DDX17: variants seen among roughly 807,000 people sequenced by gnomAD.
DDX17 encodes probable ATP-dependent RNA helicase DDX17.
DDX17 carries 10 observed loss-of-function variants against 80.8 expected under a neutral mutation model. That is an observed-to-expected ratio of 0.12 (90% CI 0.08 to 0.21). The LOEUF (loss-of-function observed/expected upper bound fraction) is 0.21, where lower values mean the gene tolerates loss of function less well. Ranked by LOEUF, DDX17 falls within the 10% of genes least tolerant of loss-of-function variation. DDX17 has a pLI of 1.00. For missense variants in DDX17, 586 were observed against 957.4 expected, an observed-to-expected ratio of 0.61 and a Z score of 5.12; for synonymous variants, 339 against 336.2, an observed-to-expected ratio of 1.01 and a Z score of -0.09.
At chr22:38,486,564 C>G in intron 12 of DDX17, 124 bp from the exon 13 acceptor site, 1 of 1,351,170 alleles carries the variant, frequency 7.4e-7, no homozygotes, top group Non-Finnish European at 9.8e-7. Context: ...TGCTGGCCAG[C>G]CTCCCAATTA....
rs1569142916 is a variant in DDX17 at position 38,501,117 on chromosome 22, CAT to C, written c.438+11_438+12del. ...TCAATAATCTGTACATTAAAACACACATGTAAACTTACTGGTGTCAGCCTTGC... is the reference window on the plus strand; with the variant it reads ...TCAATAATCTGTACATTAAAACACACGTAAACTTACTGGTGTCAGCCTTGC... On this transcript the variant is annotated intron_variant, in intron 2 of 12. Coordinates refer to ENST00000403230, the MANE Select transcript of DDX17 (RefSeq NM_006386.5). 6.2e-7 allele frequency: 1 copy of C among 1,613,158 alleles called. No homozygotes were observed. The highest frequency in any genetic ancestry group is 1.3e-5 in the African/African-American group (1 of 74,956).
In DDX17 at chr22:38,486,099, T is replaced by C; in HGVS notation, c.2026A>G (p.Ser676Gly). 6.2e-7 allele frequency: 1 copy of C among 1,614,188 alleles called. No individual in the cohort carries two copies. The highest frequency in any genetic ancestry group is 2.2e-5 in the East Asian group (1 of 44,878). ...CGGCCTATCCCACTAAACTGCTGGC[T>C]AGAGCTCTGTGAACTTCTCCCAGTT... Residue 676 changes from serine (S) to glycine (G), a missense_variant, in exon 13 of 13, where the codon AGC (serine) becomes GGC (glycine). Physicochemically the swap from Ser to Gly is moderately conservative, Grantham distance 56. This residue lies in a region of DDX17 where 221 missense variants were observed against 261.4 expected (regional missense o/e 0.85). Transcript: ENST00000403230.
chr22:38,499,372 T>C, intron 3 of DDX17, 28 bp downstream of exon 3: 1 of 1,573,594 alleles, frequency 6.4e-7, no homozygotes, highest in Non-Finnish European at 8.7e-7. Context: ...ATTTAACAAA[T>C]TAAGGTTCTA....
At chr22:38,498,221 T>G (rs2089790051) in intron 4 of DDX17, 71 bp from the exon 5 acceptor site, 1 of 1,531,206 alleles carries the variant, frequency 6.5e-7, no homozygotes, top group Non-Finnish European at 9.0e-7. Context: ...TAGTAATTAC[T>G]GAATTAATGC....
chr22:38,489,749 G>A lies in DDX17; in HGVS notation c.1448-1634C>T, dbSNP rs2089694649. 1.0e-6 allele frequency: 1 copy of A among 985,302 alleles called. No individual in the cohort carries two copies. Among genetic ancestry groups the A allele is most frequent in the Non-Finnish European group, 1.2e-6 (1 of 830,020 alleles). The allele number at this position is 985,302 out of a possible 1,614,324, so 61.0% of individuals were successfully genotyped here. A position where few individuals can be genotyped will look rare whatever the true frequency, so the allele number is the denominator to read the frequency against. On this transcript the variant is annotated intron_variant, in intron 11 of 12. Transcript: ENST00000403230. The surrounding 1 kb of genome is among the most constrained non-coding windows in gnomAD (Gnocchi z 4.6). ...GTCCTGAATCACACCAGAAAGACGA[G>A]AAGGCACTTATCACAGGGGGCAGCT...
chr22:38,500,676 G>A (rs2089818617), intron 2 of DDX17, among the ~76,000 whole-genome samples: 1 of 151,636 alleles, frequency 6.6e-6, no homozygotes, highest in Non-Finnish European at 1.5e-5. Flanking sequence ...AATTAGCCGG[G>A]CATGGTGGCG....
At chr22:38,493,952 G>T in intron 9 of DDX17, 69 bp downstream of exon 9, 1 of 1,344,196 alleles carries the variant, frequency 7.4e-7, no homozygotes, top group Non-Finnish European at 1.1e-6. Context: ...CACAACATTT[G>T]GAATACCAAT....
rs1386429085 is a variant in DDX17 at position 38,485,977 on chromosome 22, T to C, written c.2148A>G (p.Gln716=). 2 of 1,613,602 alleles carry C rather than the reference T, an allele frequency of 1.2e-6. No individual in the cohort carries two copies. Among genetic ancestry groups the C allele is most frequent in the Non-Finnish European group, 1.7e-6 (2 of 1,179,896 alleles). Residue 716 remains glutamine (Q), a synonymous_variant, in exon 13 of 13, where the codon CAA becomes CAG. Transcript: ENST00000403230. ...GAGGAGGGGGAGGAGGAGGAGGGTA[T>C]TGGTAGGCAGTCTGCCCCATGTAAC...
chr22:38,499,589 C>T, intron 2 of DDX17, 90 bp from the exon 3 acceptor site: 1 of 1,008,090 alleles, frequency 9.9e-7, no homozygotes. Flanking sequence ...TTATCCAGTC[C>T]ACAGCTATGT....
intron 1 of DDX17, among the ~76,000 whole-genome samples, chr22:38,504,037 TGAAAG>T (rs2089856327): frequency 6.6e-6 from 1 of 152,200 alleles, no homozygotes; most frequent in Admixed American, 6.5e-5. Flanking sequence ...ATATATATGG[TGAAAG>T]GAAATATTAA....
intron 8 of DDX17, chr22:38,494,405 A>G: frequency 1.6e-6 from 1 of 620,152 alleles, no homozygotes; most frequent in East Asian, 2.8e-5. Flanking sequence ...GCAAAATTAT[A>G]CAGCTTGTAA....
chr22:38,504,988 A>C (rs1336150003), intron 1 of DDX17, among the ~76,000 whole-genome samples: 2 of 152,146 alleles, frequency 1.3e-5, no homozygotes, highest in African/African-American at 4.8e-5. Flanking sequence ...GGCTCACTGC[A>C]ACCTCCTCCC....
At chr22:38,500,584 C>T (rs923111625) in intron 2 of DDX17, among the ~76,000 whole-genome samples, 86 of 149,542 alleles carry the variant, frequency 5.8e-4, no homozygotes, top group African/African-American at 2.0e-3. Flanking sequence ...TGAGGCAGGT[C>T]GATCACCTGA....
At chr22:38,495,992 A>AAG in intron 5 of DDX17, 55 bp from the exon 6 acceptor site, 1 of 1,417,008 alleles carries the variant, frequency 7.1e-7, no homozygotes, top group South Asian at 1.6e-5. Flanking sequence ...AAAAAAAAAA[A>AAG]AAAAAAAGAA....
intron 5 of DDX17, among the ~76,000 whole-genome samples, chr22:38,497,483 T>C (rs1189719406): frequency 6.7e-6 from 1 of 149,086 alleles, no homozygotes; most frequent in African/African-American, 2.5e-5. Context: ...CTGGGAGTGG[T>C]GGTGCACGCC....
rs1175109952 is a variant in DDX17, at chr22:38,485,185, TAC to T, written c.*748_*749del. The T allele has an allele frequency of 1.3e-5, 2 of 151,826 alleles. No homozygotes were observed. Among genetic ancestry groups the T allele is most frequent in the Non-Finnish European group, 2.9e-5 (2 of 67,970 alleles). 9.4% of individuals were successfully genotyped at this position (151,826 alleles called of 1,614,324 possible). Reference sequence around the variant, plus strand: ...AGCTTCCACCCAGATGCTGAGATGCTACAGTTTAACCACTACAATAAACACTT... The same window carrying T: ...AGCTTCCACCCAGATGCTGAGATGCTAGTTTAACCACTACAATAAACACTT... On this transcript the variant is annotated 3_prime_UTR_variant, in exon 13 of 13. Transcript: ENST00000403230.
chr22:38,494,529 C>G (rs1248338138), intron 8 of DDX17, 101 bp downstream of exon 8: 2 of 1,080,066 alleles, frequency 1.9e-6, no homozygotes, highest in African/African-American at 3.2e-5. Context: ...TTTTAATGTT[C>G]TCAGGCCTCA....
rs926061651 is a variant in DDX17 at position 38,490,386 on chromosome 22, T to C, written c.1447+1670A>G. 3.1e-6 allele frequency: 4 copies of C among 1,289,318 alleles called. No individual in the cohort carries two copies. The African/African-American group carries it at 6.1e-5, about 20-fold the overall frequency. The allele number at this position is 1,289,318 out of a possible 1,614,324, so 79.9% of individuals were successfully genotyped here. ...CATCTAGAGCTGCTTCCGGCCAATG[T>C]AGATTTGTCTCGGCCATGTATTGAG... On this transcript the variant is annotated intron_variant, in intron 11 of 12. Transcript: ENST00000403230.
At chr22:38,495,961 G>C in intron 5 of DDX17, 24 bp from the exon 6 acceptor site, 1 of 1,222,300 alleles carries the variant, frequency 8.2e-7, no homozygotes, top group Middle Eastern at 2.1e-4. Flanking sequence ...AAAGACACTT[G>C]AGACCTCATC....
Sources: gnomAD v4.1 joint callset for allele counts (sites outside exome capture counted in the v4.1 genomes callset) on GRCh38, gnomAD v4.1.1 for gene constraint, gnomAD v4.1.1 regional missense constraint, Gnocchi (gnomAD v3.1) non-coding constraint, MANE v1.5 for transcripts, NCBI Gene and HGNC (gene_info 2026-07-23, HGNC 2026-07-21) for gene names.